Variants in NUP107 observed in about 807,000 individuals in gnomAD.
NUP107 encodes nuclear pore complex protein Nup107.
A neutral mutation model predicts 141.0 loss-of-function variants in NUP107; 101 were observed. The observed-to-expected ratio is 0.72, with a 90% CI of 0.61 to 0.84. NUP107 has a LOEUF of 0.84. Among genes scored for constraint, NUP107 ranks in the 40% least tolerant of loss-of-function variants. NUP107 has a pLI of 0.00. For synonymous variants in NUP107, 319 were observed against 363.9 expected (o/e 0.88, Z 1.41); for missense variants, 941 against 1,102.7 (o/e 0.85, Z 2.08).
intron 5 of NUP107, 64 bp downstream of exon 5, chr12:68,692,176 T>TC: frequency 7.3e-7 from 1 of 1,378,984 alleles, no homozygotes; most frequent in Non-Finnish European, 9.7e-7. Context: ...GGAAACCATT[T>TC]CTTCCTGTTT....
At chr12:68,695,588 T>G (rs535084023) in intron 5 of NUP107, among the ~76,000 whole-genome samples, 68 of 152,220 alleles carry the variant, frequency 4.5e-4, no homozygotes, top group African/African-American at 1.6e-3. Flanking sequence ...GGACAGAAAG[T>G]AGATGGATAG....
chr12:68,687,262 G>T (rs1875542575), intron 1 of NUP107, 189 bp downstream of exon 1: 1 of 828,988 alleles, frequency 1.2e-6, no homozygotes, highest in Non-Finnish European at 1.9e-6. Context: ...GTCGGGGTGG[G>T]GTACAGATCA....
At chr12:68,724,954 A>G (rs1355049611) in intron 17 of NUP107, among the ~76,000 whole-genome samples, 1 of 152,218 alleles carries the variant, frequency 6.6e-6, no homozygotes, top group East Asian at 1.9e-4. Context: ...CCAAGTATAT[A>G]TGAGAACTTA....
In NUP107 at chr12:68,689,515, T is replaced by G. The variant is rs781070782; in HGVS notation, c.101-18T>G. Reference sequence around the variant, plus strand: ...ATCTCTTTTCTACATGGAAAACTTTTCTTAACTCGTTGTACAGTTCAGGCA... The same window carrying G: ...ATCTCTTTTCTACATGGAAAACTTTGCTTAACTCGTTGTACAGTTCAGGCA... On this transcript the variant is annotated intron_variant, in intron 2 of 27. Transcript: ENST00000229179. The G allele has an allele frequency of 5.5e-5, 82 of 1,492,972 alleles. No homozygotes were observed. Among genetic ancestry groups the G allele is most frequent in the Non-Finnish European group, 6.8e-5 (74 of 1,095,648 alleles). 92.5% of individuals were successfully genotyped at this position (1,492,972 alleles called of 1,614,324 possible).
chr12:68,708,436 A>G (rs1004226951), intron 8 of NUP107, among the ~76,000 whole-genome samples: 3 of 152,274 alleles, frequency 2.0e-5, no homozygotes, highest in East Asian at 1.9e-4. Flanking sequence ...TCCTTTTAAT[A>G]TACTGCTTAG....
At chr12:68,706,548 A>T in intron 8 of NUP107, 1 of 677,396 alleles carries the variant, frequency 1.5e-6, no homozygotes, top group Non-Finnish European at 2.7e-6. Context: ...AAAGACTGAG[A>T]TCTCCAAGAT....
chr12:68,692,193 G>A lies in NUP107; in HGVS notation c.448+81G>A, dbSNP rs116684046. The A allele has an allele frequency of 7.2e-5, 95 of 1,320,052 alleles. No individual in the cohort carries two copies. The African/African-American group carries it at 8.2e-4, about 11-fold the overall frequency. The allele number at this position is 1,320,052 out of a possible 1,614,324, so 81.8% of individuals were successfully genotyped here. A position where few individuals can be genotyped will look rare whatever the true frequency, so the allele number is the denominator to read the frequency against. On this transcript the variant is annotated intron_variant, in intron 5 of 27. Coordinates refer to ENST00000229179, the MANE Select transcript of NUP107 (RefSeq NM_020401.4). ...AAACCATTTCTTCCTGTTTCTGAAC[G>A]TCATTATGTTTTTCTTTTCTTTCTT... is the stretch of plus-strand genomic sequence containing the variant.
At chr12:68,706,929 G>A in intron 8 of NUP107, 1 of 698,722 alleles carries the variant, frequency 1.4e-6, no homozygotes, top group Non-Finnish European at 2.6e-6. Context: ...CCTGGCCTCA[G>A]CTACAGCCTG....
chr12:68,720,974 C>T lies in NUP107; in HGVS notation c.1252-144C>T, dbSNP rs544805454. The T allele has an allele frequency of 1.9e-4, 85 of 449,000 alleles. 1 individual carries two copies. The East Asian group carries it at 2.9e-3, about 15-fold the overall frequency. 27.8% of individuals were successfully genotyped at this position (449,000 alleles called of 1,614,324 possible). The stretch of plus-strand genomic sequence containing the variant: ...CACTGAAGTTCTTCCTTGTTATTAC[C>T]CCACTAGATCTTTCACTAAAGTTTA... On this transcript the variant is annotated intron_variant, in intron 14 of 27. Coordinates refer to ENST00000229179, the MANE Select transcript of NUP107 (RefSeq NM_020401.4).
At chr12:68,705,740 C>T (rs1360211178) in intron 8 of NUP107, 15 of 692,356 alleles carry the variant, frequency 2.2e-5, no homozygotes, top group African/African-American at 1.1e-4. Flanking sequence ...ATCAGCTCCT[C>T]GAGCTTCTCC....
chr12:68,731,780 T>C, intron 22 of NUP107, 61 bp downstream of exon 22: 1 of 919,992 alleles, frequency 1.1e-6, no homozygotes, highest in Non-Finnish European at 1.7e-6. Flanking sequence ...ATGTTATTCC[T>C]TGGTGAACTT....
intron 4 of NUP107, 96 bp downstream of exon 4, chr12:68,690,842 A>T (rs1435473410): frequency 8.0e-7 from 1 of 1,246,882 alleles, no homozygotes; most frequent in Non-Finnish European, 1.1e-6. Flanking sequence ...ACCTCAAGTG[A>T]TTCTCCCGCC....
At chr12:68,689,736 A>T (rs1875689052) in intron 3 of NUP107, 117 bp downstream of exon 3, 1 of 681,288 alleles carries the variant, frequency 1.5e-6, no homozygotes, top group South Asian at 1.9e-5. Context: ...CACTAATAAT[A>T]ATGATTGCAG....
chr12:68,724,613 C>T (rs1877482896), intron 17 of NUP107, among the ~76,000 whole-genome samples: 1 of 151,760 alleles, frequency 6.6e-6, no homozygotes, highest in Non-Finnish European at 1.5e-5. Flanking sequence ...CCCATCTCTA[C>T]AAAAAAAATT....
At chr12:68,696,139 G>A (rs1876041498) in intron 5 of NUP107, among the ~76,000 whole-genome samples, 1 of 151,894 alleles carries the variant, frequency 6.6e-6, no homozygotes. Context: ...GCCAAGGTGG[G>A]CGGATCATGA....
chr12:68,707,049 C>T (rs1485006017), intron 8 of NUP107: 6 of 592,148 alleles, frequency 1.0e-5, no homozygotes, highest in Non-Finnish European at 1.8e-5. Flanking sequence ...GTGTCTGAGT[C>T]GTCTGATGTA....
intron 8 of NUP107, among the ~76,000 whole-genome samples, chr12:68,703,288 CTATT>C (rs576291932): frequency 5.5e-4 from 84 of 152,210 alleles, no homozygotes; most frequent in Non-Finnish European, 9.9e-4. Flanking sequence ...ATCCCACTGA[CTATT>C]TAGTGTAACA....
intron 20 of NUP107, among the ~76,000 whole-genome samples, chr12:68,729,186 G>T (rs915648660): frequency 3.3e-5 from 5 of 152,114 alleles, no homozygotes; most frequent in Non-Finnish European, 7.4e-5. Flanking sequence ...CCCCAGTAGT[G>T]GCAGGAAGTG....
chr12:68,718,669 C>T (rs1877211728), intron 12 of NUP107, among the ~76,000 whole-genome samples: 1 of 150,470 alleles, frequency 6.6e-6, no homozygotes, highest in African/African-American at 2.4e-5. Context: ...GTGGCTCATA[C>T]CTGTAATCCC....
Sources: gnomAD v4.1 joint callset for allele counts (sites outside exome capture counted in the v4.1 genomes callset) on GRCh38, gnomAD v4.1.1 for gene constraint, MANE v1.5 for transcripts, NCBI Gene and HGNC (gene_info 2026-07-23, HGNC 2026-07-21) for gene names.